The following IGSF9 variants were observed in gnomAD, a reference collection of about 807,000 sequenced individuals.
The protein encoded by IGSF9 is immunoglobulin superfamily member 9.
In IGSF9, 87 loss-of-function variants were observed where a neutral mutation model predicts 121.7. The ratio of observed to expected loss-of-function variants is 0.71; its 90% CI spans 0.60 to 0.85. The LOEUF (loss-of-function observed/expected upper bound fraction) is 0.85. Among genes scored for constraint, IGSF9 ranks in the 40% least tolerant of loss-of-function variants. The probability of loss-of-function intolerance (pLI) is 0.00; values close to 1 mark genes in which losing one functional copy is unlikely to be tolerated. For missense variants in IGSF9, 1,462 were observed against 1,565.3 expected, an observed-to-expected ratio of 0.93 and a Z score of 1.11; for synonymous variants, 640 against 648.4, an observed-to-expected ratio of 0.99 and a Z score of 0.20.
intron 1 of IGSF9, among the ~76,000 whole-genome samples, chr1:159,945,149 T>C (rs1456261998): frequency 2.6e-5 from 4 of 151,676 alleles, no homozygotes; most frequent in Non-Finnish European, 4.4e-5. Flanking sequence ...TGATCTCCAA[T>C]TGCAGCAGGT....
chr1:159,939,537 T>A (rs937818490), intron 3 of IGSF9, among the ~76,000 whole-genome samples: 2 of 152,118 alleles, frequency 1.3e-5, no homozygotes, highest in African/African-American at 4.8e-5. Flanking sequence ...ATTTTCTTAA[T>A]CTTATGTTGT....
rs1433243112 is a variant in IGSF9 at position 159,929,823 on chromosome 1, G to T, written c.2150-9C>A. On this transcript the variant is annotated splice_polypyrimidine_tract_variant and intron_variant, in intron 16 of 20. Coordinates refer to ENST00000368094, the MANE Select transcript of IGSF9 (RefSeq NM_001135050.2). ...AGGGTAGACCTCCAGACCTAGGCAGGGGTCCACGAGGGAGGGTCAGTGGAC... is the reference window on the plus strand; with the variant it reads ...AGGGTAGACCTCCAGACCTAGGCAGTGGTCCACGAGGGAGGGTCAGTGGAC... The T allele has an allele frequency of 6.2e-7, 1 of 1,600,132 alleles. No homozygotes were observed. The highest frequency in any genetic ancestry group is 8.5e-7 in the Non-Finnish European group (1 of 1,174,136).
intron 4 of IGSF9, 54 bp from the exon 5 acceptor site, chr1:159,936,962 A>C: frequency 1.3e-6 from 2 of 1,588,824 alleles, no homozygotes; most frequent in Non-Finnish European, 1.7e-6. Flanking sequence ...CCCAAAAAGC[A>C]GTGTCCAAGG....
chr1:159,932,252 T>A lies in IGSF9; in HGVS notation c.1245+260A>T, dbSNP rs1651025231. 2 of 581,056 alleles carry A rather than the reference T, an allele frequency of 3.4e-6. No individual in the cohort carries two copies. Among genetic ancestry groups the A allele is most frequent in the South Asian group, 4.1e-5 (2 of 48,840 alleles). The allele number at this position is 581,056 out of a possible 1,614,324, so 36.0% of individuals were successfully genotyped here. On this transcript the variant is annotated intron_variant, in intron 10 of 20. Coordinates refer to ENST00000368094, the MANE Select transcript of IGSF9 (RefSeq NM_001135050.2). The surrounding 1 kb of genome is among the most constrained non-coding windows in gnomAD (Gnocchi z 4.1). ...AGCCCCAGAGAGGGAGGCAGCACGG[T>A]CAAGGTTAGTGAGAGTTGGGGCAAA...
At position 159,932,135 on chromosome 1, in the gene IGSF9, G is replaced by A. The variant is rs1571214252; in HGVS notation, c.1246-207C>T. 1 of 570,668 alleles carries A rather than the reference G, an allele frequency of 1.8e-6. No homozygotes were observed. Among genetic ancestry groups the A allele is most frequent in the South Asian group, 2.2e-5 (1 of 44,704 alleles). The allele number at this position is 570,668 out of a possible 1,614,324, so 35.4% of individuals were successfully genotyped here. On this transcript the variant is annotated intron_variant, in intron 10 of 20. Transcript: ENST00000368094. This position sits in a 1 kb window ranked among gnomAD's most constrained non-coding sequence, Gnocchi z 4.1. ...TGTTTCTGTTCCCCAGTGGGTAGGG[G>A]CTGGAGGAAAATGGTGGTGTAGTAA...
rs943464040 is a variant in IGSF9 at position 159,937,351 on chromosome 1, T to A, written c.400+335A>T. On this transcript the variant is annotated intron_variant, in intron 4 of 20. Coordinates refer to ENST00000368094, the MANE Select transcript of IGSF9 (RefSeq NM_001135050.2). The stretch of plus-strand genomic sequence containing the variant: ...TTTTGAAAACACAAGGTGCTATATA[T>A]ATGTGAGCTGTGTTTCACTCAGGGC... Among the ~76,000 whole-genome samples the A allele has an allele frequency of 9.9e-5, 15 of 150,924 alleles. 1 individual carries two copies. In the East Asian group the frequency reaches 2.8e-3, roughly 28 times the overall value.
At position 159,928,213 on chromosome 1, in the gene IGSF9, C is replaced by A; in HGVS notation, c.3175G>T (p.Ala1059Ser). Residue 1059 changes from alanine to serine, a missense_variant, in exon 19 of 21, where the codon GCC (alanine) becomes TCC (serine). Physicochemically the swap from Ala to Ser is moderately conservative, Grantham distance 99. This residue lies in a region of IGSF9 where 808 missense variants were observed against 815.2 expected (regional missense o/e 0.99). Coordinates refer to ENST00000368094, the MANE Select transcript of IGSF9 (RefSeq NM_001135050.2). ...SPAPGDTSSW[A>S]SGPERWPRRE... The stretch of plus-strand genomic sequence containing the variant: ...CGGGGCCATCTCTCAGGGCCACTGG[C>A]CCAGCTGCTGGTGTCTCCTGGAGCA... The A allele has an allele frequency of 6.2e-7, 1 of 1,612,748 alleles. No individual in the cohort carries two copies.
Position 159,931,300 on chromosome 1 carries a change from G to A in IGSF9, c.1514-39C>T. On this transcript the variant is annotated intron_variant, in intron 12 of 20. Transcript: ENST00000368094. This position sits in a 1 kb window ranked among gnomAD's most constrained non-coding sequence, Gnocchi z 4.8. ...AATGGAGGGATGGTGGTCAGGGCCT[G>A]AGGGAGTGTACAGAGTAGCAGGGGC... 6.2e-7 allele frequency: 1 copy of A among 1,613,636 alleles called. No homozygotes were observed.
At chr1:159,940,099 T>C (rs1450779836) in intron 3 of IGSF9, among the ~76,000 whole-genome samples, 3 of 152,206 alleles carry the variant, frequency 2.0e-5, no homozygotes, top group South Asian at 2.1e-4. Flanking sequence ...AAGAATTCCA[T>C]TGTAGCTGAA....
intron 9 of IGSF9, 96 bp downstream of exon 9, chr1:159,934,090 CCAGT>C (rs1201111856): frequency 3.1e-6 from 4 of 1,307,812 alleles, no homozygotes; most frequent in Non-Finnish European, 3.2e-6. Context: ...ATGTGTGTCC[CCAGT>C]CACTGAACTG....
At chr1:159,933,908 A>G in intron 9 of IGSF9, 1 of 473,126 alleles carries the variant, frequency 2.1e-6, no homozygotes, top group South Asian at 2.3e-5. Context: ...ACACGAAAGA[A>G]ACTTCAGTTC....
chr1:159,943,249 G>A, intron 2 of IGSF9, 98 bp from the exon 3 acceptor site: 1 of 1,321,196 alleles, frequency 7.6e-7, no homozygotes, highest in Non-Finnish European at 1.0e-6. Context: ...AGGACTTTGG[G>A]TGACTGGAGA....
Position 159,943,427 on chromosome 1 carries a change from G to A in IGSF9, c.28C>T (p.Leu10Phe). The A allele has an allele frequency of 6.3e-7, 1 of 1,589,056 alleles. No individual in the cohort carries two copies. The highest frequency in any genetic ancestry group is 1.2e-5 in the South Asian group (1 of 86,898). The change falls in exon 2 of 21, where the codon CTC (leucine) becomes TTC (phenylalanine). Residue 10 changes from leucine (L) to phenylalanine (F), a missense_variant. Leu to Phe is a conservative substitution (Grantham distance 22, BLOSUM62 0). This residue lies in a region of IGSF9 where 558 missense variants were observed against 599.4 expected (regional missense o/e 0.93). Coordinates refer to ENST00000368094, the MANE Select transcript of IGSF9 (RefSeq NM_001135050.2). ...GCCCCCTGGCTGATGACCAGGCTGAGGACGGCCAGGCCGAGGCACCACACC... is the reference window on the plus strand; with the variant it reads ...GCCCCCTGGCTGATGACCAGGCTGAAGACGGCCAGGCCGAGGCACCACACC... MVWCLGLAV[L>F]SLVISQGADG...
At chr1:159,944,387 G>T (rs1651518571) in intron 1 of IGSF9, among the ~76,000 whole-genome samples, 1 of 152,056 alleles carries the variant, frequency 6.6e-6, no homozygotes, top group South Asian at 2.1e-4. Context: ...CATCCTCCAG[G>T]TCTGGACAGG....
At chr1:159,938,060 C>A (rs1651257581) in intron 3 of IGSF9, among the ~76,000 whole-genome samples, 1 of 152,170 alleles carries the variant, frequency 6.6e-6, no homozygotes, top group African/African-American at 2.4e-5. Flanking sequence ...GGGACCCTGT[C>A]TAGACAAAGA....
chr1:159,933,765 G>T (rs1651083583), intron 9 of IGSF9: 1 of 224,770 alleles, frequency 4.4e-6, no homozygotes, highest in South Asian at 5.6e-5. Flanking sequence ...TCCAGACAGT[G>T]TTGCTGTCCT....
intron 3 of IGSF9, among the ~76,000 whole-genome samples, chr1:159,941,694 C>A (rs1651385611): frequency 6.6e-6 from 1 of 152,244 alleles, no homozygotes; most frequent in African/African-American, 2.4e-5. Context: ...GCCTTGCCCT[C>A]AGTCAGGCAA....
In IGSF9 at chr1:159,927,850, A is replaced by T. The variant is rs1020340378; in HGVS notation, c.3268T>A (p.Ser1090Thr). Residue 1090 changes from serine (S) to threonine (T), a missense_variant, in exon 20 of 21, where the codon TCA (serine) becomes ACA (threonine). By Grantham distance (58) the Ser-to-Thr change is moderately conservative. Around this residue, in one of 3 missense-constraint regions of IGSF9, gnomAD observed 808 missense variants for 815.2 expected, o/e 0.99. Transcript: ENST00000368094. ...TSVDENYEWD[S>T]EFPGDMELLE... ...AATTCCATGTCCCCAGGGAATTCTG[A>T]GTCCCACTCATAGTTCTCGTCCACA... 1 of 1,612,804 alleles carries T rather than the reference A, an allele frequency of 6.2e-7. No homozygotes were observed. The highest frequency in any genetic ancestry group is 8.5e-7 in the Non-Finnish European group (1 of 1,179,648).
In IGSF9 at chr1:159,930,868, C is replaced by G. The variant is rs1650972244; in HGVS notation, c.1638-1G>C. On this transcript the variant is annotated splice_acceptor_variant, in intron 13 of 20. Coordinates refer to ENST00000368094, the MANE Select transcript of IGSF9 (RefSeq NM_001135050.2). LOFTEE classifies it high-confidence loss of function. ...GTGCATTCGGTCAGGACGCTTGGCC[C>G]TGGGAGACATGAGGACATGGGGGGC... 1 of 1,599,448 alleles carries G rather than the reference C, an allele frequency of 6.3e-7. No individual in the cohort carries two copies. Among genetic ancestry groups the G allele is most frequent in the African/African-American group, 1.3e-5 (1 of 74,226 alleles).
Sources: gnomAD v4.1 joint callset for allele counts (sites outside exome capture counted in the v4.1 genomes callset) on GRCh38, gnomAD v4.1.1 for gene constraint, gnomAD v4.1.1 regional missense constraint, Gnocchi (gnomAD v3.1) non-coding constraint, MANE v1.5 for transcripts, NCBI Gene and HGNC (gene_info 2026-07-23, HGNC 2026-07-21) for gene names.